BAIAP3: variants seen among roughly 807,000 people sequenced by gnomAD.
BAIAP3 encodes BAI1-associated protein 3.
In BAIAP3, 180 loss-of-function variants were observed where a neutral mutation model predicts 149.7. The ratio of observed to expected loss-of-function variants is 1.20; its 90% CI spans 1.07 to 1.36. The LOEUF is 1.36. Among genes scored for constraint, BAIAP3 ranks in the 40% most tolerant of loss-of-function variants. The pLI, the probability that BAIAP3 is intolerant of heterozygous loss-of-function variation, is 0.00. For missense variants in BAIAP3, 1,767 were observed against 1,563.4 expected (o/e 1.13, Z -2.20); for synonymous variants, 845 against 670.7 (o/e 1.26, Z -4.02).
In BAIAP3 at chr16:1,341,488, T is replaced by C. The variant is rs530843796; in HGVS notation, c.730T>C (p.Phe244Leu). 3.2e-5 allele frequency: 51 copies of C among 1,606,164 alleles called. No homozygotes were observed. In the Admixed American group the frequency reaches 7.7e-4, roughly 24 times the overall value. The change falls in exon 8 of 34, where the codon TTC becomes CTC. Residue 244 changes from phenylalanine to leucine, a missense_variant and splice_region_variant. Physicochemically the swap from Phe to Leu is conservative, Grantham distance 22. Transcript: ENST00000426824. ...CCCCGTCTGGAAGGAGCACTTCCTC[T>C]TGTGAGGCCCTCGCCCGTCTGGGTG... ...LNPVWKEHFL[F>L]EIEDVSTDQL...
chr16:1,338,973 G>C lies in BAIAP3; in HGVS notation c.203G>C (p.Gly68Ala). 6.2e-7 allele frequency: 1 copy of C among 1,612,888 alleles called. No homozygotes were observed. The highest frequency in any genetic ancestry group is 8.5e-7 in the Non-Finnish European group (1 of 1,179,900). Residue 68 changes from glycine to alanine, a missense_variant, in exon 3 of 34, where the codon GGC becomes GCC. Gly to Ala is a moderately conservative substitution (Grantham distance 60, BLOSUM62 0). Transcript: ENST00000426824. ...CTGAAGAAGGGGGAAGGCAGACAGG[G>C]CTTGCCGTGCCTCGAGGTAAGGGTG... The part of the protein sequence containing the change: ...LMLKKGEGRQ[G>A]LPCLEVPLRS...
chr16:1,334,539 C>G (rs1419018644), intron 1 of BAIAP3: 1 of 849,830 alleles, frequency 1.2e-6, no homozygotes, highest in Non-Finnish European at 1.8e-6. Context: ...GCGCCTCGGG[C>G]TCCGGTCTCC....
At position 1,339,528 on chromosome 16, in the gene BAIAP3, G is replaced by A. The variant is rs372874239; in HGVS notation, c.333G>A (p.Thr111=). 2.0e-5 allele frequency: 32 copies of A among 1,612,242 alleles called. No individual in the cohort carries two copies. Among genetic ancestry groups the A allele is most frequent in the Admixed American group, 5.0e-5 (3 of 59,942 alleles). ...TGCTCTACGAGGAGGCCCTGTACAC[G>A]GTGCTTTACCGCGCGGGTACCATGG... The part of the protein sequence containing the change: ...VEMLYEEALY[T]VLYRAGTMGP... Residue 111 remains threonine, a synonymous_variant, in exon 5 of 34, where the codon ACG becomes ACA. Transcript: ENST00000426824.
rs775884131 is a variant in BAIAP3 at position 1,348,028 on chromosome 16, T to C, written c.3149+11T>C. ...CGAACTCTTCTACTTGTGAGTGTCC[T>C]AAGCCCCAGCCCCAGCCCCAGGCTC... On this transcript the variant is annotated intron_variant, in intron 32 of 33. Transcript: ENST00000426824. The C allele has an allele frequency of 6.2e-7, 1 of 1,605,514 alleles. No individual in the cohort carries two copies.
intron 1 of BAIAP3, chr16:1,336,357 G>A (rs118138478): frequency 4.2e-5 from 41 of 985,192 alleles, no homozygotes; most frequent in East Asian, 3.4e-4. Context: ...CCATCTTTTG[G>A]GGGGGAGGCT....
intron 14 of BAIAP3, 97 bp downstream of exon 14, chr16:1,343,113 G>A: frequency 1.6e-6 from 2 of 1,228,726 alleles, no homozygotes; most frequent in Non-Finnish European, 2.3e-6. Context: ...GTGGCTGGGA[G>A]GGTGGGGCAG....
chr16:1,344,658 C>T lies in BAIAP3; in HGVS notation c.1717C>T (p.Leu573Phe), dbSNP rs765968677. ...VVLADAVYDD[L>F]QFCYSVYASL... ...GCTGGCTGACGCCGTCTATGATGACCTTCAGTTCTGCTACAGTGTGTACGC... is the reference window on the plus strand; with the variant it reads ...GCTGGCTGACGCCGTCTATGATGACTTTCAGTTCTGCTACAGTGTGTACGC... Residue 573 changes from leucine (L) to phenylalanine (F), a missense_variant, in exon 19 of 34, where the codon CTT becomes TTT. Coordinates refer to ENST00000426824, the MANE Select transcript of BAIAP3 (RefSeq NM_001199097.2). 2 of 1,613,476 alleles carry T rather than the reference C, an allele frequency of 1.2e-6. No homozygotes were observed. The highest frequency in any genetic ancestry group is 1.1e-5 in the South Asian group (1 of 91,082).
chr16:1,341,908 C>T (rs558460393), intron 9 of BAIAP3, 42 bp downstream of exon 9: 2 of 1,601,080 alleles, frequency 1.2e-6, no homozygotes, highest in Non-Finnish European at 1.7e-6. Context: ...GGATGCACAC[C>T]TTTTGCGGGG....
rs760265439 is a variant in BAIAP3, at chr16:1,344,584, G to A, written c.1660-17G>A. Reference sequence around the variant, plus strand: ...ACGGGCAGCCGAGAGGTGGGTACGAGCTAGGCTTCCTTGCAGCCAGGACCA... The same window carrying A: ...ACGGGCAGCCGAGAGGTGGGTACGAACTAGGCTTCCTTGCAGCCAGGACCA... On this transcript the variant is annotated splice_polypyrimidine_tract_variant and intron_variant, in intron 18 of 33. Transcript: ENST00000426824. 9.3e-6 allele frequency: 15 copies of A among 1,612,614 alleles called. No individual in the cohort carries two copies. The South Asian group carries it at 1.5e-4, about 17-fold the overall frequency.
chr16:1,335,989 G>A (rs1246246511), intron 1 of BAIAP3, among the ~76,000 whole-genome samples: 4 of 152,218 alleles, frequency 2.6e-5, no homozygotes, highest in African/African-American at 4.8e-5. Context: ...AGGTGAATGT[G>A]GAGAGGAAAA....
rs746000979 is a variant in BAIAP3 at position 1,345,981 on chromosome 16, C to A, written c.2209-5C>A. 1.9e-6 allele frequency: 3 copies of A among 1,603,854 alleles called. No homozygotes were observed. The African/African-American group carries it at 4.0e-5, about 21-fold the overall frequency. On this transcript the variant is annotated splice_region_variant and splice_polypyrimidine_tract_variant and intron_variant, in intron 23 of 33. Coordinates refer to ENST00000426824, the MANE Select transcript of BAIAP3 (RefSeq NM_001199097.2). ...CATGGCTCCCCACCGCCATCCCCTC[C>A]TCAGGACGTGTGTGAGGCCACCCTC...
At position 1,344,182 on chromosome 16, in the gene BAIAP3, C is replaced by T. The variant is rs146145236; in HGVS notation, c.1511+36C>T. ...CGCCGCGTGTCAGCGTGGGTGGGGG[C>T]GGCTGGCAGGGCAGGCCCCACGTCA... On this transcript the variant is annotated intron_variant, in intron 16 of 33. Transcript: ENST00000426824. 42 of 1,612,120 alleles carry T rather than the reference C, an allele frequency of 2.6e-5. 1 individual carries two copies. The Middle Eastern group carries it at 8.3e-4, about 32-fold the overall frequency.
In BAIAP3 at chr16:1,348,003, C is replaced by A; in HGVS notation, c.3135C>A (p.Asp1045Glu). Residue 1045 changes from aspartate (D) to glutamate (E), a missense_variant, in exon 32 of 34, where the codon GAC becomes GAA. Transcript: ENST00000426824. ...VKTRTLHPVY[D>E]ELFYFSVPAE... The stretch of plus-strand genomic sequence containing the variant: ...CCCGGACGCTGCACCCTGTATACGA[C>A]GAACTCTTCTACTTGTGAGTGTCCT... 6.2e-7 allele frequency: 1 copy of A among 1,609,594 alleles called. No individual in the cohort carries two copies. The highest frequency in any genetic ancestry group is 8.5e-7 in the Non-Finnish European group (1 of 1,179,906).
chr16:1,348,884 T>G lies in BAIAP3; in HGVS notation c.*402T>G, dbSNP rs2034572062. ...GCACAACGGGCAATGTGCAGACGCA[T>G]TTTTGGTAATCACAGCTGGGGAGTG... On this transcript the variant is annotated 3_prime_UTR_variant, in exon 34 of 34. Transcript: ENST00000426824. The G allele has an allele frequency of 3.4e-6, 1 of 293,518 alleles. No individual in the cohort carries two copies. Among genetic ancestry groups the G allele is most frequent in the South Asian group, 4.3e-5 (1 of 23,172 alleles). 18.2% of individuals were successfully genotyped at this position (293,518 alleles called of 1,614,324 possible).
rs749350792 is a variant in BAIAP3 at position 1,342,428 on chromosome 16, G to A, written c.958-99G>A. ...CTTGTCACCCTCATTCCCCGGAGAA[G>A]GGAAGCCCAGGCCATGTGGTCTCTC... On this transcript the variant is annotated intron_variant, in intron 11 of 33. Coordinates refer to ENST00000426824, the MANE Select transcript of BAIAP3 (RefSeq NM_001199097.2). 7 of 1,378,874 alleles carry A rather than the reference G, an allele frequency of 5.1e-6. No individual in the cohort carries two copies. The South Asian group carries it at 9.0e-5, about 18-fold the overall frequency. The allele number at this position is 1,378,874 out of a possible 1,614,324, so 85.4% of individuals were successfully genotyped here.
At chr16:1,346,778 A>G in intron 27 of BAIAP3, 69 bp from the exon 28 acceptor site, 1 of 1,528,380 alleles carries the variant, frequency 6.5e-7, no homozygotes, top group Non-Finnish European at 8.8e-7. Context: ...CTACTCCTCC[A>G]GGCCATTCTG....
At position 1,347,347 on chromosome 16, in the gene BAIAP3, G is replaced by T. The variant is rs1355220630; in HGVS notation, c.2801G>T (p.Ser934Ile). 2 of 1,613,486 alleles carry T rather than the reference G, an allele frequency of 1.2e-6. No homozygotes were observed. Among genetic ancestry groups the T allele is most frequent in the Admixed American group, 1.7e-5 (1 of 59,998 alleles). ...HAEGQGLPLE[S>I]LRDGSYKRLK... ...GAGGGTCAGGGTTTGCCCCTGGAGA[G>T]CCTGAGGGATGGAAGCTACAAGGTG... Residue 934 changes from serine to isoleucine, a missense_variant, in exon 29 of 34, where the codon AGC becomes ATC. By Grantham distance (142) the Ser-to-Ile change is moderately radical (BLOSUM62 -2). Coordinates refer to ENST00000426824, the MANE Select transcript of BAIAP3 (RefSeq NM_001199097.2).
rs1437858483 is a variant in BAIAP3 at position 1,346,197 on chromosome 16, C to T, written c.2329C>T (p.Leu777Phe). The T allele has an allele frequency of 2.5e-6, 4 of 1,612,022 alleles. No individual in the cohort carries two copies. The highest frequency in any genetic ancestry group is 2.5e-6 in the Non-Finnish European group (3 of 1,179,866). ...ALCVVLNNVE[L>F]VRKAAGQALK... The stretch of plus-strand genomic sequence containing the variant: ...CTGCGTGGTCCTCAACAATGTGGAG[C>T]TCGTGCGCAAGGCTGCTGGGCAGGC... The change falls in exon 25 of 34, where the codon CTC (leucine) becomes TTC (phenylalanine). Residue 777 changes from leucine to phenylalanine, a missense_variant. Leu to Phe is a conservative substitution (Grantham distance 22). Coordinates refer to ENST00000426824, the MANE Select transcript of BAIAP3 (RefSeq NM_001199097.2).
rs1288008279 is a variant in BAIAP3, at chr16:1,341,983, C to T, written c.777-3C>T. ...AAGCCAGGTCCTCCCCTGTCCCCAC[C>T]AGGGATCATGACGACGATGTATCCC... On this transcript the variant is annotated splice_polypyrimidine_tract_variant and splice_region_variant and intron_variant, in intron 9 of 33. Transcript: ENST00000426824. The T allele has an allele frequency of 2.5e-6, 4 of 1,592,448 alleles. No homozygotes were observed. The African/African-American group carries it at 5.4e-5, about 21-fold the overall frequency.
Sources: gnomAD v4.1 joint callset for allele counts (sites outside exome capture counted in the v4.1 genomes callset) on GRCh38, gnomAD v4.1.1 for gene constraint, MANE v1.5 for transcripts, NCBI Gene and HGNC (gene_info 2026-07-23, HGNC 2026-07-21) for gene names.